MAF: variants seen among roughly 807,000 people sequenced by gnomAD.
The protein encoded by MAF is transcription factor Maf.
In MAF, 10 loss-of-function variants were observed where a neutral mutation model predicts 22.0. The observed-to-expected ratio is 0.45, with a 90% CI of 0.28 to 0.77. The LOEUF is 0.77. Among genes scored for constraint, MAF ranks in the 30% least tolerant of loss-of-function variants. The probability of loss-of-function intolerance (pLI) is 0.12; values close to 1 mark genes in which losing one functional copy is unlikely to be tolerated. For missense variants in MAF, 544 were observed against 548.4 expected, an observed-to-expected ratio of 0.99 and a Z score of 0.08; for synonymous variants, 337 against 255.8, an observed-to-expected ratio of 1.32 and a Z score of -3.03.
chr16:79,275,277 A>G, the MAF span, among the ~76,000 whole-genome samples: 1 of 152,106 alleles, frequency 6.6e-6, no homozygotes, highest in African/African-American at 2.4e-5. Context: ...AATCACTTGA[A>G]CTCAGGGAGG....
chr16:79,593,695 G>T (rs578250293), downstream of MAF: 10 of 163,444 alleles, frequency 6.1e-5, no homozygotes, highest in African/African-American at 2.4e-4. Flanking sequence ...ATATATTAAT[G>T]TGTCAGATAC....
At chr16:79,548,296 G>A in the MAF span, among the ~76,000 whole-genome samples, 2 of 151,860 alleles carry the variant, frequency 1.3e-5, no homozygotes, top group African/African-American at 4.8e-5. Context: ...ATTGATGTCT[G>A]TTTTTTCATT....
chr16:79,226,932 A>G, the MAF span, among the ~76,000 whole-genome samples: 1 of 152,110 alleles, frequency 6.6e-6, no homozygotes, highest in Non-Finnish European at 1.5e-5. Context: ...TGACATACTG[A>G]CAGAAATGGA....
the MAF span, among the ~76,000 whole-genome samples, chr16:79,320,572 T>A: frequency 6.6e-6 from 1 of 152,108 alleles, no homozygotes; most frequent in Non-Finnish European, 1.5e-5. Flanking sequence ...TGCAACGTTG[T>A]CTCTCGAGAA....
chr16:79,361,629 T>C, the MAF span, among the ~76,000 whole-genome samples: 1 of 152,190 alleles, frequency 6.6e-6, no homozygotes, highest in Non-Finnish European at 1.5e-5. Flanking sequence ...ATAGCTATTT[T>C]TAAAGGACTG....
chr16:79,215,912 C>A, the MAF span, among the ~76,000 whole-genome samples: 1 of 152,088 alleles, frequency 6.6e-6, no homozygotes, highest in Non-Finnish European at 1.5e-5. Flanking sequence ...TAGCGATTGC[C>A]CCCTCATGCC....
At chr16:79,237,608 T>C in the MAF span, among the ~76,000 whole-genome samples, 22,040 of 151,964 alleles carry the variant, frequency 0.15, 2,505 homozygotes, top group African/African-American at 0.31. Flanking sequence ...GTGAGTTCCA[T>C]CTCAGAGGAC....
At chr16:79,383,104 T>G in the MAF span, among the ~76,000 whole-genome samples, 3 of 152,290 alleles carry the variant, frequency 2.0e-5, no homozygotes, top group East Asian at 1.9e-4. Flanking sequence ...CTTGATAAAA[T>G]GTAAACCACT....
the MAF span, among the ~76,000 whole-genome samples, chr16:79,580,197 T>C: frequency 6.6e-6 from 1 of 152,120 alleles, no homozygotes; most frequent in African/African-American, 2.4e-5. Flanking sequence ...ATCAGCCTGA[T>C]TTGAGAACTG....
the MAF span, among the ~76,000 whole-genome samples, chr16:79,413,454 C>G: frequency 4.4e-3 from 653 of 149,780 alleles, 18 homozygotes; most frequent in East Asian, 0.052. Flanking sequence ...ACCATGGTCT[C>G]GATCTCCTGA....
chr16:79,315,564 G>C, the MAF span, among the ~76,000 whole-genome samples: 1 of 152,160 alleles, frequency 6.6e-6, no homozygotes, highest in Non-Finnish European at 1.5e-5. Context: ...TTACAGACGG[G>C]GAAAATGAGG....
At chr16:79,420,333 C>T in the MAF span, among the ~76,000 whole-genome samples, 3 of 152,156 alleles carry the variant, frequency 2.0e-5, no homozygotes, top group Admixed American at 1.3e-4. Context: ...GCAGCAGCGA[C>T]GGCAGACAAA....
the MAF span, among the ~76,000 whole-genome samples, chr16:79,330,160 G>A: frequency 6.6e-6 from 1 of 152,028 alleles, no homozygotes; most frequent in Non-Finnish European, 1.5e-5. Flanking sequence ...TCCCAAGAGG[G>A]CAAAGGTTAT....
the MAF span, among the ~76,000 whole-genome samples, chr16:79,571,206 G>A: frequency 2.0e-5 from 3 of 152,094 alleles, no homozygotes; most frequent in Non-Finnish European, 4.4e-5. Flanking sequence ...TTCAAATTTG[G>A]CTGCATAGAA....
chr16:79,243,512 C>T, the MAF span, among the ~76,000 whole-genome samples: 1 of 151,936 alleles, frequency 6.6e-6, no homozygotes, highest in Non-Finnish European at 1.5e-5. Flanking sequence ...CAAGTCTAAA[C>T]CTGGAAGAAG....
chr16:79,205,228 T>C, the MAF span: 1 of 152,232 alleles, frequency 6.6e-6, no homozygotes, highest in Admixed American at 6.5e-5. Context: ...CTTGAACCTG[T>C]TGCATTTATG....
At chr16:79,249,905 G>T in the MAF span, among the ~76,000 whole-genome samples, 3 of 152,166 alleles carry the variant, frequency 2.0e-5, no homozygotes, top group African/African-American at 7.2e-5. Flanking sequence ...ACGTAGCCCA[G>T]TGCCTGATGC....
chr16:79,528,096 T>C, the MAF span, among the ~76,000 whole-genome samples: 84 of 152,224 alleles, frequency 5.5e-4, 1 homozygote, highest in Admixed American at 1.2e-3. Flanking sequence ...GAGCCTAGAT[T>C]ATGCCATTGC....
the MAF span, among the ~76,000 whole-genome samples, chr16:79,220,873 G>C: frequency 6.6e-6 from 1 of 152,200 alleles, no homozygotes; most frequent in Admixed American, 6.5e-5. Flanking sequence ...ATTTTCCCCA[G>C]ATGACCTGCC....
Sources: gnomAD v4.1 joint callset for allele counts (sites outside exome capture counted in the v4.1 genomes callset) on GRCh38, gnomAD v4.1.1 for gene constraint, MANE v1.5 for transcripts, NCBI Gene and HGNC (gene_info 2026-07-23, HGNC 2026-07-21) for gene names.